Variants in ORM2 observed in about 807,000 individuals in gnomAD.
ORM2 encodes the protein orosomucoid 2, also known as alpha-1-acid glycoprotein 2.
In ORM2, 19 loss-of-function variants were observed where a neutral mutation model predicts 26.8. That is an observed-to-expected ratio of 0.71 (90% CI 0.49 to 1.04). The LOEUF (loss-of-function observed/expected upper bound fraction) is 1.04. Ranked by LOEUF, ORM2 falls within the 50% of genes least tolerant of loss-of-function variation. The pLI is 0.00. For missense variants in ORM2, 259 were observed against 244.9 expected, an observed-to-expected ratio of 1.06 and a Z score of -0.39; for synonymous variants, 94 against 100.0, an observed-to-expected ratio of 0.94 and a Z score of 0.36.
At position 114,329,988 on chromosome 9, in the gene ORM2, G is replaced by A. The variant is rs750840872; in HGVS notation, c.84G>A (p.Pro28=). ...AQIPLCANLV[P]VPITNATLDR... Reference sequence around the variant, plus strand: ...TCCCATTGTGTGCCAACCTAGTACCGGTGCCCATCACCAACGCCACCCTGG... The same window carrying A: ...TCCCATTGTGTGCCAACCTAGTACCAGTGCCCATCACCAACGCCACCCTGG... Residue 28 remains proline, a synonymous_variant, in exon 1 of 6, where the codon CCG becomes CCA. Transcript: ENST00000431067. 2.0e-5 allele frequency: 32 copies of A among 1,578,542 alleles called. No homozygotes were observed. Among genetic ancestry groups the A allele is most frequent in the Admixed American group, 5.2e-5 (3 of 57,210 alleles).
At position 114,331,885 on chromosome 9, in the gene ORM2, T is replaced by C. The variant is rs773391860; in HGVS notation, c.496T>C (p.Leu166=). 3 of 1,613,864 alleles carry C rather than the reference T, an allele frequency of 1.9e-6. No homozygotes were observed. In the South Asian group the frequency reaches 3.3e-5, roughly 18 times the overall value. ...LGEFYEALDC[L]CIPRSDVMYT... is the part of the protein sequence containing the mutation. ...AGAGTTCTACGAAGCTCTCGACTGC[T>C]TGTGCATTCCCAGGTCAGATGTCAT... The change falls in exon 5 of 6, where the codon TTG becomes CTG. Residue 166 remains leucine, a synonymous_variant. Transcript: ENST00000431067.
chr9:114,330,139 G>T (rs757551144), intron 1 of ORM2, 121 bp downstream of exon 1: 1 of 1,563,300 alleles, frequency 6.4e-7, no homozygotes, highest in Non-Finnish European at 8.7e-7. Flanking sequence ...TTCTCTTCTG[G>T]GTCCCCAGGG....
intron 3 of ORM2, 82 bp from the exon 4 acceptor site, chr9:114,331,485 C>T: frequency 8.8e-7 from 1 of 1,131,764 alleles, no homozygotes; most frequent in East Asian, 2.4e-5. Flanking sequence ...TGGCCCCGGA[C>T]ACACCTAGGA....
chr9:114,330,576 G>A lies in ORM2; in HGVS notation c.257G>A (p.Arg86His), dbSNP rs1291425958. 18 of 1,612,876 alleles carry A rather than the reference G, an allele frequency of 1.1e-5. No homozygotes were observed. The highest frequency in any genetic ancestry group is 1.5e-5 in the Non-Finnish European group (18 of 1,179,958). Residue 86 changes from arginine to histidine, a missense_variant and splice_region_variant, in exon 2 of 6, where the codon CGC (arginine) becomes CAC (histidine). Physicochemically the swap from Arg to His is conservative, Grantham distance 29. This residue lies in a region of ORM2 where 251 missense variants were observed against 220.5 expected (regional missense o/e 1.14). Coordinates refer to ENST00000431067, the MANE Select transcript of ORM2 (RefSeq NM_000608.4). ...DTIFLREYQT[R>H]QNQCFYNSSY... Reference sequence around the variant, plus strand: ...ATCTTTCTCAGAGAGTACCAGACCCGGTGAGAGCCCCCATTCCAATGCACC... The same window carrying A: ...ATCTTTCTCAGAGAGTACCAGACCCAGTGAGAGCCCCCATTCCAATGCACC...
intron 5 of ORM2, 28 bp from the exon 6 acceptor site, chr9:114,333,041 C>T (rs781722179): frequency 1.3e-6 from 2 of 1,592,798 alleles, no homozygotes; most frequent in South Asian, 2.3e-5. Flanking sequence ...CTGCTTCTCC[C>T]TCACCCCAAT....
At position 114,330,831 on chromosome 9, in the gene ORM2, C is replaced by G. The variant is rs201669865; in HGVS notation, c.297C>G (p.Val99=). 2 of 1,613,768 alleles carry G rather than the reference C, an allele frequency of 1.2e-6. No homozygotes were observed. The highest frequency in any genetic ancestry group is 1.7e-5 in the Admixed American group (1 of 59,992). The change falls in exon 3 of 6, where the codon GTC becomes GTG. Residue 99 remains valine, a synonymous_variant. Transcript: ENST00000431067. The stretch of plus-strand genomic sequence containing the variant: ...TCTATAACTCCAGTTACCTGAATGT[C>G]CAGCGGGAGAATGGGACCGTCTCCA... ...QCFYNSSYLN[V]QRENGTVSRY...
Position 114,331,474 on chromosome 9 carries a change from G to A in ORM2, c.329-93G>A. The A allele has an allele frequency of 3.9e-6, 4 of 1,015,616 alleles. No individual in the cohort carries two copies. The South Asian group carries it at 6.0e-5, about 15-fold the overall frequency. 62.9% of individuals were successfully genotyped at this position (1,015,616 alleles called of 1,614,324 possible). On this transcript the variant is annotated intron_variant, in intron 3 of 5. Transcript: ENST00000431067. ...ACCCGGGCCTTCACTGATGGGCTTT[G>A]TGGCCCCGGACACACCTAGGACTCC...
chr9:114,331,864 T>C lies in ORM2; in HGVS notation c.475T>C (p.Phe159Leu). Reference protein sequence around the residue: ...PETTKEQLGEFYEALDCLCIP... With the variant: ...PETTKEQLGELYEALDCLCIP... ...GACGACCAAGGAGCAACTGGGAGAG[T>C]TCTACGAAGCTCTCGACTGCTTGTG... is the stretch of plus-strand genomic sequence containing the variant. The change falls in exon 5 of 6, where the codon TTC becomes CTC. Residue 159 changes from phenylalanine to leucine, a missense_variant. This residue lies in a region of ORM2 where 251 missense variants were observed against 220.5 expected (regional missense o/e 1.14). Transcript: ENST00000431067. 1 of 1,613,558 alleles carries C rather than the reference T, an allele frequency of 6.2e-7. No individual in the cohort carries two copies. The highest frequency in any genetic ancestry group is 8.5e-7 in the Non-Finnish European group (1 of 1,179,800).
chr9:114,332,398 T>A (rs1020886456), intron 5 of ORM2, among the ~76,000 whole-genome samples: 2 of 152,150 alleles, frequency 1.3e-5, no homozygotes, highest in African/African-American at 4.8e-5. Flanking sequence ...AATTACTGTA[T>A]AATGAGCTCC....
Position 114,332,652 on chromosome 9 carries a change from GCAAC to G in ORM2, c.541-414_541-411del, listed in dbSNP as rs1829876779. Among the ~76,000 whole-genome samples the G allele has an allele frequency of 1.3e-5, 2 of 151,052 alleles. 1 individual carries two copies. The highest frequency in any genetic ancestry group is 4.9e-5 in the African/African-American group (2 of 41,070). Reference sequence around the variant, plus strand: ...GGATCCTGGGACAGGGCTTATGAACGCAACCACTGTAGTCAGCTCACTTGATCCA... The same window carrying G: ...GGATCCTGGGACAGGGCTTATGAACGCACTGTAGTCAGCTCACTTGATCCA... On this transcript the variant is annotated intron_variant, in intron 5 of 5. Coordinates refer to ENST00000431067, the MANE Select transcript of ORM2 (RefSeq NM_000608.4).
At chr9:114,331,396 T>C (rs1829848871) in intron 3 of ORM2, among the ~76,000 whole-genome samples, 171 bp from the exon 4 acceptor site, 1 of 152,018 alleles carries the variant, frequency 6.6e-6, no homozygotes, top group Non-Finnish European at 1.5e-5. Context: ...AGAAAGTGCT[T>C]GGCGTGGAGC....
rs961152366 is a variant in ORM2, at chr9:114,330,369, C to T, written c.115-65C>T. ...ATCAGGGAGAGATCTGCCTGAGTCT[C>T]CTCCCAGCTGACAGTCAAAGATTCA... On this transcript the variant is annotated intron_variant, in intron 1 of 5. Coordinates refer to ENST00000431067, the MANE Select transcript of ORM2 (RefSeq NM_000608.4). The T allele has an allele frequency of 1.9e-5, 29 of 1,542,204 alleles. 4 individuals carry two copies. In the African/African-American group the frequency reaches 4.6e-4, roughly 25 times the overall value.
At chr9:114,332,064 C>T in intron 5 of ORM2, 135 bp downstream of exon 5, 1 of 630,632 alleles carries the variant, frequency 1.6e-6, no homozygotes, top group East Asian at 2.8e-5. Context: ...ACCTGCCTCA[C>T]TGTAGGGACA....
Position 114,331,616 on chromosome 9 carries a change from G to A in ORM2, c.378G>A (p.Lys126=). The A allele has an allele frequency of 1.2e-6, 2 of 1,614,062 alleles. No individual in the cohort carries two copies. Among genetic ancestry groups the A allele is most frequent in the Middle Eastern group, 1.6e-4 (1 of 6,062 alleles). Residue 126 remains lysine, a synonymous_variant, in exon 4 of 6, where the codon AAG becomes AAA. Coordinates refer to ENST00000431067, the MANE Select transcript of ORM2 (RefSeq NM_000608.4). ...ACCTGCTGTTCCTTAGGGACACCAA[G>A]ACCTTGATGTTTGGTTCCTACCTGG... ...VAHLLFLRDT[K]TLMFGSYLDD... is the part of the protein sequence containing the mutation.
At chr9:114,331,070 G>C (rs7018884) in intron 3 of ORM2, among the ~76,000 whole-genome samples, 12,494 of 151,864 alleles carry the variant, frequency 0.082, 1,872 homozygotes, top group African/African-American at 0.29. Context: ...ACCTCAAATA[G>C]TTTCCCCAAG....
chr9:114,332,174 C>T (rs1287184292), intron 5 of ORM2, among the ~76,000 whole-genome samples: 55 of 150,894 alleles, frequency 3.6e-4, no homozygotes, highest in African/African-American at 1.2e-3. Context: ...GAGGGAACAG[C>T]GTGAGCCACG....
intron 3 of ORM2, among the ~76,000 whole-genome samples, 172 bp from the exon 4 acceptor site, chr9:114,331,395 T>C (rs1458681307): frequency 1.3e-5 from 2 of 152,078 alleles, no homozygotes; most frequent in Non-Finnish European, 2.9e-5. Flanking sequence ...CAGAAAGTGC[T>C]TGGCGTGGAG....
At chr9:114,331,248 G>C (rs1829846059) in intron 3 of ORM2, among the ~76,000 whole-genome samples, 1 of 152,088 alleles carries the variant, frequency 6.6e-6, no homozygotes, top group African/African-American at 2.4e-5. Flanking sequence ...GTGGCACATG[G>C]CAGGGATCTG....
chr9:114,330,990 T>G, intron 3 of ORM2, 128 bp downstream of exon 3: 7 of 706,002 alleles, frequency 9.9e-6, no homozygotes, highest in South Asian at 1.8e-5. Flanking sequence ...TTTTGAGCTC[T>G]TACCACGTGC....
Sources: allele counts gnomAD v4.1 joint callset (sites outside exome capture counted in the v4.1 genomes callset), GRCh38; gene constraint gnomAD v4.1.1; regional missense constraint gnomAD v4.1.1; transcripts MANE v1.5; gene names NCBI Gene and HGNC (gene_info 2026-07-23, HGNC 2026-07-21).